The following NUSAP1 variants were observed in gnomAD, a reference collection of about 807,000 sequenced individuals.
The protein encoded by NUSAP1 is nucleolar and spindle associated protein 1.
In NUSAP1, 32 loss-of-function variants were observed where a neutral mutation model predicts 52.8. That is an observed-to-expected ratio of 0.61 (90% CI 0.46 to 0.81). NUSAP1 has a LOEUF of 0.81. Ranked by LOEUF, NUSAP1 falls within the 40% of genes least tolerant of loss-of-function variation. The pLI, the probability that NUSAP1 is intolerant of heterozygous loss-of-function variation, is 0.00. For missense variants in NUSAP1, 499 were observed against 522.3 expected (o/e 0.96, Z 0.43); for synonymous variants, 195 against 183.1 (o/e 1.06, Z -0.52).
intron 6 of NUSAP1, among the ~76,000 whole-genome samples, chr15:41,359,184 C>G (rs1372478075): frequency 2.0e-5 from 3 of 152,152 alleles, no homozygotes; most frequent in Non-Finnish European, 4.4e-5. Flanking sequence ...TTCCCAGGCT[C>G]TCCTTGAACG....
chr15:41,373,740 G>A (rs530571175), intron 8 of NUSAP1, among the ~76,000 whole-genome samples: 18 of 151,656 alleles, frequency 1.2e-4, no homozygotes, highest in African/African-American at 2.7e-4. Flanking sequence ...GAGCCACCGC[G>A]CCCAGCCAAA....
chr15:41,366,148 G>A lies in NUSAP1; in HGVS notation c.848+559G>A, dbSNP rs142766386. 6.8e-4 allele frequency among the ~76,000 whole-genome samples: 103 copies of A among 152,010 alleles called. 1 individual carries two copies. Among genetic ancestry groups the A allele is most frequent in the Admixed American group, 6.0e-3 (92 of 15,252 alleles). On this transcript the variant is annotated intron_variant, in intron 7 of 10. Coordinates refer to ENST00000559596, the MANE Select transcript of NUSAP1 (RefSeq NM_016359.5). ...TTCTAGCTGTTTGAAACCACCATGCGCAGCTAATTTCACAAGGTCTCACTA... is the reference window on the plus strand; with the variant it reads ...TTCTAGCTGTTTGAAACCACCATGCACAGCTAATTTCACAAGGTCTCACTA...
intron 6 of NUSAP1, among the ~76,000 whole-genome samples, chr15:41,363,339 C>A (rs4580125): frequency 0.11 from 16,569 of 146,376 alleles, 1,620 homozygotes; most frequent in African/African-American, 0.27. Flanking sequence ...CTCTCTCTCT[C>A]TATATATATA....
chr15:41,379,630 C>T (rs575172775), intron 10 of NUSAP1, among the ~76,000 whole-genome samples: 10 of 152,086 alleles, frequency 6.6e-5, no homozygotes, highest in South Asian at 2.1e-4. Context: ...CTGCAACCTC[C>T]GCCTCCCGGG....
At chr15:41,379,295 A>AT (rs111232099) in intron 10 of NUSAP1, among the ~76,000 whole-genome samples, 6,246 of 145,416 alleles carry the variant, frequency 0.043, 249 homozygotes, top group African/African-American at 0.11. Context: ...TTTAAAACAA[A>AT]TTTTTTTTTT....
intron 2 of NUSAP1, among the ~76,000 whole-genome samples, chr15:41,346,822 G>A (rs559908865): frequency 3.6e-4 from 48 of 131,996 alleles, no homozygotes; most frequent in Non-Finnish European, 6.5e-4. Flanking sequence ...GCCAGACCCC[G>A]TCTCAAAAAT....
intron 6 of NUSAP1, among the ~76,000 whole-genome samples, chr15:41,363,558 G>A (rs1282503771): frequency 6.6e-6 from 1 of 151,784 alleles, no homozygotes; most frequent in African/African-American, 2.4e-5. Flanking sequence ...GTTTTTTGTA[G>A]AGACAGGCCT....
chr15:41,338,872 C>T (rs1275016758), intron 1 of NUSAP1, among the ~76,000 whole-genome samples: 1 of 151,558 alleles, frequency 6.6e-6, no homozygotes. Flanking sequence ...GGATGAGGCA[C>T]GAAAATCCCT....
In NUSAP1 at chr15:41,365,492, T is replaced by G; in HGVS notation, c.751T>G (p.Ser251Ala). ...TTCTACTCCCATCAGCCAACGACGC[T>G]CGCAAGGCCGGTCTTGTGGCCCTGC... The part of the protein sequence containing the change: ...VASTPISQRR[S>A]QGRSCGPASQ... The change falls in exon 7 of 11, where the codon TCG (serine) becomes GCG (alanine). Residue 251 changes from serine (S) to alanine (A), a missense_variant. Physicochemically the swap from Ser to Ala is moderately conservative, Grantham distance 99. Transcript: ENST00000559596. 1 of 1,612,796 alleles carries G rather than the reference T, an allele frequency of 6.2e-7. No individual in the cohort carries two copies.
intron 6 of NUSAP1, among the ~76,000 whole-genome samples, chr15:41,360,360 A>AGACTGGAGTGCAATGGCGTGATCTTG (rs2049126399): frequency 6.6e-6 from 1 of 151,960 alleles, no homozygotes; most frequent in South Asian, 2.1e-4. Context: ...CTTCTTGCCC[A>AGACTGGAGTGCAATGGCGTGATCTTG]GACTGGAGTG....
intron 9 of NUSAP1, among the ~76,000 whole-genome samples, chr15:41,376,837 G>A (rs1595611644): frequency 6.6e-6 from 1 of 152,048 alleles, no homozygotes; most frequent in Non-Finnish European, 1.5e-5. Flanking sequence ...CACTTTGGGA[G>A]GCCAAGGCAG....
intron 10 of NUSAP1, among the ~76,000 whole-genome samples, chr15:41,378,663 G>C (rs573006115): frequency 2.6e-5 from 4 of 152,110 alleles, no homozygotes; most frequent in African/African-American, 7.2e-5. Context: ...CCAGCTACTC[G>C]GGAGGCTGAG....
chr15:41,357,426 A>C (rs780620851), intron 5 of NUSAP1, among the ~76,000 whole-genome samples: 5 of 151,866 alleles, frequency 3.3e-5, no homozygotes, highest in Non-Finnish European at 4.4e-5. Flanking sequence ...ACCATACCAT[A>C]TGTGGCCATA....
chr15:41,374,380 G>C (rs2049832602), intron 8 of NUSAP1, among the ~76,000 whole-genome samples: 1 of 152,088 alleles, frequency 6.6e-6, no homozygotes, highest in South Asian at 2.1e-4. Context: ...AAGAGAGCTA[G>C]AGAAAATTCT....
chr15:41,359,429 T>C (rs1567059093), intron 6 of NUSAP1, among the ~76,000 whole-genome samples: 1 of 152,198 alleles, frequency 6.6e-6, no homozygotes, highest in Non-Finnish European at 1.5e-5. Flanking sequence ...AAATTAGCAC[T>C]GTTAGTAGGT....
chr15:41,363,590 C>T (rs2140753775), intron 6 of NUSAP1, among the ~76,000 whole-genome samples: 1 of 152,178 alleles, frequency 6.6e-6, no homozygotes, highest in African/African-American at 2.4e-5. Context: ...CCAGGCTGGT[C>T]TCAAACTCCT....
At chr15:41,377,161 T>G in intron 9 of NUSAP1, 35 bp from the exon 10 acceptor site, 1 of 1,101,132 alleles carries the variant, frequency 9.1e-7, no homozygotes, top group Middle Eastern at 2.3e-4. Context: ...AATCAAACAA[T>G]CTTTTTAAAA....
At chr15:41,352,177 C>G (rs1328139360) in intron 4 of NUSAP1, among the ~76,000 whole-genome samples, 1 of 151,928 alleles carries the variant, frequency 6.6e-6, no homozygotes, top group African/African-American at 2.4e-5. Context: ...CTCCTGACCT[C>G]GTGATCCACC....
chr15:41,334,591 T>A (rs774913568), intron 1 of NUSAP1, among the ~76,000 whole-genome samples: 58 of 152,354 alleles, frequency 3.8e-4, no homozygotes, highest in Non-Finnish European at 7.2e-4. Context: ...CTAGCTAGAA[T>A]CTTTTATCCA....
Sources: allele counts gnomAD v4.1 joint callset (sites outside exome capture counted in the v4.1 genomes callset), GRCh38; gene constraint gnomAD v4.1.1; transcripts MANE v1.5; gene names NCBI Gene and HGNC (gene_info 2026-07-23, HGNC 2026-07-21).